Variants in RANBP9 observed in about 807,000 individuals in gnomAD.
RANBP9 encodes the protein ran-binding protein 9.
In RANBP9, 15 loss-of-function variants were observed where a neutral mutation model predicts 84.3. The ratio of observed to expected loss-of-function variants is 0.18; its 90% CI spans 0.12 to 0.27. The LOEUF is 0.27. RANBP9 is among the 10% of genes least tolerant of loss of function. The pLI is 1.00. For missense variants in RANBP9, 809 were observed against 912.8 expected (o/e 0.89, Z 1.46); for synonymous variants, 392 against 349.6 (o/e 1.12, Z -1.35).
At chr6:13,689,304 C>T (rs1385463548) in intron 2 of RANBP9, among the ~76,000 whole-genome samples, 1 of 150,364 alleles carries the variant, frequency 6.7e-6, no homozygotes, top group Admixed American at 6.6e-5. Context: ...TGAAGTCTCA[C>T]TCTGTCGCTA....
intron 1 of RANBP9, among the ~76,000 whole-genome samples, chr6:13,708,712 A>T (rs1342027253): frequency 6.6e-6 from 1 of 152,022 alleles, no homozygotes; most frequent in Admixed American, 6.6e-5. Context: ...ACTCTCTATG[A>T]TACTTCTCCT....
chr6:13,639,113 T>C (rs908497359), intron 9 of RANBP9, among the ~76,000 whole-genome samples: 1 of 152,208 alleles, frequency 6.6e-6, no homozygotes, highest in Non-Finnish European at 1.5e-5. Flanking sequence ...CATGTCAATC[T>C]GAACCTACAA....
chr6:13,644,771 G>A, intron 5 of RANBP9, 42 bp from the exon 6 acceptor site: 1 of 1,387,246 alleles, frequency 7.2e-7, no homozygotes, highest in Non-Finnish European at 9.7e-7. Flanking sequence ...TCCATTTTAT[G>A]TTAGATTTAA....
intron 2 of RANBP9, among the ~76,000 whole-genome samples, chr6:13,666,060 A>C (rs59120082): frequency 6.6e-6 from 1 of 151,992 alleles, no homozygotes; most frequent in African/African-American, 2.4e-5. Flanking sequence ...ATGGGCATAC[A>C]CATCTGCAAA....
At chr6:13,708,666 T>A (rs1758191859) in intron 1 of RANBP9, among the ~76,000 whole-genome samples, 3 of 152,168 alleles carry the variant, frequency 2.0e-5, no homozygotes, top group African/African-American at 7.2e-5. Flanking sequence ...AAATAAAAAT[T>A]CACTCTTCTT....
intron 2 of RANBP9, among the ~76,000 whole-genome samples, chr6:13,672,300 A>T (rs1765794738): frequency 6.6e-6 from 1 of 152,114 alleles, no homozygotes; most frequent in Non-Finnish European, 1.5e-5. Context: ...CCGTTCAGGA[A>T]CTCTGGTCCA....
At chr6:13,700,710 C>A (rs2113363600) in intron 1 of RANBP9, among the ~76,000 whole-genome samples, 1 of 152,294 alleles carries the variant, frequency 6.6e-6, no homozygotes, top group South Asian at 2.1e-4. Flanking sequence ...ACTCTAACTT[C>A]AATCATTCCT....
At chr6:13,681,056 G>A (rs1766023788) in intron 2 of RANBP9, among the ~76,000 whole-genome samples, 1 of 152,090 alleles carries the variant, frequency 6.6e-6, no homozygotes, top group Non-Finnish European at 1.5e-5. Context: ...ATAAAATATA[G>A]ATATAAAACA....
chr6:13,702,845 CT>C (rs780713069), intron 1 of RANBP9, among the ~76,000 whole-genome samples: 6 of 152,140 alleles, frequency 3.9e-5, no homozygotes, highest in Admixed American at 6.5e-5. Context: ...CTTTCATTTA[CT>C]CTTTCAACCC....
chr6:13,710,901 G>A (rs1300995017), intron 1 of RANBP9, 34 bp downstream of exon 1: 1 of 1,565,896 alleles, frequency 6.4e-7, no homozygotes, highest in South Asian at 1.2e-5. Context: ...TCGGGTCAGT[G>A]CCCCACTCCC....
At chr6:13,673,108 T>C (rs747867334) in intron 2 of RANBP9, among the ~76,000 whole-genome samples, 6 of 152,094 alleles carry the variant, frequency 3.9e-5, no homozygotes, top group Non-Finnish European at 8.8e-5. Context: ...TCTTCAAACC[T>C]AGGTCAAAGA....
rs575975966 is a variant in RANBP9, at chr6:13,626,075, A to G, written c.1948-311T>C. The stretch of plus-strand genomic sequence containing the variant: ...CTGGTGTAGGGAGAGTGGAAGGCAA[A>G]ACATTCAGATGTTTTACTTCACAAT... On this transcript the variant is annotated intron_variant, in intron 12 of 13. Transcript: ENST00000011619. Among the ~76,000 whole-genome samples the G allele has an allele frequency of 3.3e-5, 5 of 152,250 alleles. No individual in the cohort carries two copies. The South Asian group carries it at 8.3e-4, about 25-fold the overall frequency.
At chr6:13,650,789 C>A (rs139590981) in intron 5 of RANBP9, among the ~76,000 whole-genome samples, 1 of 151,982 alleles carries the variant, frequency 6.6e-6, no homozygotes, top group East Asian at 1.9e-4. Context: ...CTGGCGAAAC[C>A]CCGTCTCTAC....
chr6:13,659,216 C>T (rs1299827465), intron 2 of RANBP9, among the ~76,000 whole-genome samples: 2 of 150,482 alleles, frequency 1.3e-5, no homozygotes, highest in African/African-American at 2.4e-5. Context: ...ATGTGTTTCC[C>T]AAGGGACACA....
intron 12 of RANBP9, 126 bp from the exon 13 acceptor site, chr6:13,625,890 T>C: frequency 1.6e-6 from 1 of 609,574 alleles, no homozygotes; most frequent in South Asian, 1.9e-5. Flanking sequence ...TTTAAACCCA[T>C]TTACTCCCAG....
intron 5 of RANBP9, among the ~76,000 whole-genome samples, chr6:13,645,894 C>T (rs913266600): frequency 1.3e-5 from 2 of 151,958 alleles, no homozygotes; most frequent in Non-Finnish European, 2.9e-5. Flanking sequence ...TAAAAACAAC[C>T]GTTCAATCAA....
At chr6:13,706,338 G>T (rs148164489) in intron 1 of RANBP9, among the ~76,000 whole-genome samples, 1 of 150,098 alleles carries the variant, frequency 6.7e-6, no homozygotes, top group Non-Finnish European at 1.5e-5. Flanking sequence ...AGCAAGACTC[G>T]GTCTCAAAAA....
intron 1 of RANBP9, among the ~76,000 whole-genome samples, chr6:13,708,338 A>G (rs1758179659): frequency 6.6e-6 from 1 of 152,124 alleles, no homozygotes; most frequent in African/African-American, 2.4e-5. Flanking sequence ...AGGCAGGGGG[A>G]TCCCTTGAGC....
chr6:13,656,808 G>A (rs3846912), intron 4 of RANBP9, among the ~76,000 whole-genome samples: 59,138 of 151,910 alleles, frequency 0.39, 11,872 homozygotes, highest in Admixed American at 0.5. Context: ...ACTGTGTAGC[G>A]TTTTATTTAA....
Sources: gnomAD v4.1 joint callset for allele counts (sites outside exome capture counted in the v4.1 genomes callset) on GRCh38, gnomAD v4.1.1 for gene constraint, MANE v1.5 for transcripts, NCBI Gene and HGNC (gene_info 2026-07-23, HGNC 2026-07-21) for gene names.